The following NEB variants were observed in gnomAD, a reference collection of about 807,000 sequenced individuals.
NEB encodes nebulin.
In NEB, 512 loss-of-function variants were observed where a neutral mutation model predicts 952.2. That is an observed-to-expected ratio of 0.54 (90% CI 0.50 to 0.58). The LOEUF is 0.58. Among genes scored for constraint, NEB ranks in the 20% least tolerant of loss-of-function variants. The pLI is 0.00. For missense variants in NEB, 8,428 were observed against 9,231.1 expected, an observed-to-expected ratio of 0.91 and a Z score of 3.56; for synonymous variants, 2,900 against 3,149.8, an observed-to-expected ratio of 0.92 and a Z score of 2.66.
chr2:151,502,147 C>CTGAT (rs2065119484), intron 167 of NEB, among the ~76,000 whole-genome samples: 2 of 152,240 alleles, frequency 1.3e-5, no homozygotes, highest in South Asian at 4.1e-4. Context: ...TATGTTCTCA[C>CTGAT]TGATATGTGG....
chr2:151,533,848 A>G (rs1559632672), intron 142 of NEB, among the ~76,000 whole-genome samples: 1 of 152,222 alleles, frequency 6.6e-6, no homozygotes, highest in African/African-American at 2.4e-5. Context: ...TATAGTAAGG[A>G]GTTATGTCTT....
chr2:151,658,094 T>TAAAGAGAGGCAAAGG lies in NEB; in HGVS notation c.6076-19_6076-5dup. ...CCAAGGAAAGTTTGTAGAGTTTCTG[T>TAAAGAGAGGCAAAGG]AAAGAGAGGCAAAGGGAAGAGTTTT... On this transcript the variant is annotated splice_region_variant and splice_polypyrimidine_tract_variant and intron_variant, in intron 47 of 181. Transcript: ENST00000397345. 6.4e-7 allele frequency: 1 copy of TAAAGAGAGGCAAAGG among 1,562,302 alleles called. No individual in the cohort carries two copies. Among genetic ancestry groups the TAAAGAGAGGCAAAGG allele is most frequent in the East Asian group, 2.3e-5 (1 of 44,332 alleles).
intron 160 of NEB, 99 bp downstream of exon 160, chr2:151,513,481 T>C: frequency 1.2e-6 from 1 of 843,578 alleles, no homozygotes; most frequent in Non-Finnish European, 1.9e-6. Flanking sequence ...ATTGTATGCA[T>C]GTGACTGTCA....
chr2:151,569,234 A>C, intron 110 of NEB, 34 bp downstream of exon 110: 1 of 1,550,014 alleles, frequency 6.5e-7, no homozygotes, highest in South Asian at 1.1e-5. Context: ...TTCTTGGGAA[A>C]TGTACTGAAT....
chr2:151,643,762 A>T, intron 57 of NEB, 56 bp downstream of exon 57: 1 of 1,582,622 alleles, frequency 6.3e-7, no homozygotes, highest in Non-Finnish European at 8.6e-7. Context: ...TGGGACTCTG[A>T]TACTTTAAAA....
Position 151,537,899 on chromosome 2 carries a change from G to A in NEB, c.21075C>T (p.His7025=), listed in dbSNP as rs1458419547. The A allele has an allele frequency of 1.2e-6, 2 of 1,611,988 alleles. No individual in the cohort carries two copies. Among genetic ancestry groups the A allele is most frequent in the African/African-American group, 1.3e-5 (1 of 74,844 alleles). The change falls in exon 140 of 182, where the codon CAC becomes CAT. Residue 7025 remains histidine (H), a synonymous_variant. Coordinates refer to ENST00000397345, the MANE Select transcript of NEB (RefSeq NM_001164508.2). ...CACTGACTGTGTCAGTGACTGCTCGGTGGTGGAAATGCTCTGGACGATCAG... is the reference window on the plus strand; with the variant it reads ...CACTGACTGTGTCAGTGACTGCTCGATGGTGGAAATGCTCTGGACGATCAG... The part of the protein sequence containing the change: ...SIPDRPEHFH[H]RAVTDTVSDV...
intron 46 of NEB, among the ~76,000 whole-genome samples, chr2:151,661,183 T>C (rs532438756): frequency 1.3e-5 from 2 of 152,310 alleles, no homozygotes; most frequent in African/African-American, 4.8e-5. Flanking sequence ...GCTAGTTCTA[T>C]GATTCTCCTC....
chr2:151,579,099 A>C (rs1175385898), intron 105 of NEB, among the ~76,000 whole-genome samples: 1 of 150,828 alleles, frequency 6.6e-6, no homozygotes, highest in Non-Finnish European at 1.5e-5. Flanking sequence ...AAAAAAAAAA[A>C]AAAAAAAAGT....
Position 151,610,510 on chromosome 2 carries a change from A to T in NEB, c.12018+6T>A. On this transcript the variant is annotated splice_donor_region_variant and intron_variant, in intron 80 of 181. Coordinates refer to ENST00000397345, the MANE Select transcript of NEB (RefSeq NM_001164508.2). ...GACCACAGAGAGTTAGATGGAAGGT[A>T]CTCACGTCACTGGCGATGTCCCTGG... is the stretch of plus-strand genomic sequence containing the variant. The T allele has an allele frequency of 6.3e-7, 1 of 1,593,526 alleles. No homozygotes were observed. The highest frequency in any genetic ancestry group is 8.6e-7 in the Non-Finnish European group (1 of 1,161,408).
Position 151,679,918 on chromosome 2 carries a change from C to G in NEB, c.3147G>C (p.Glu1049Asp). 6.2e-7 allele frequency: 1 copy of G among 1,612,190 alleles called. No individual in the cohort carries two copies. The highest frequency in any genetic ancestry group is 8.5e-7 in the Non-Finnish European group (1 of 1,178,238). Residue 1049 changes from glutamate to aspartate, a missense_variant and splice_region_variant, in exon 31 of 182, where the codon GAG (glutamate) becomes GAC (aspartate). Around this residue, in one of 11 missense-constraint regions of NEB, gnomAD observed 2,851 missense variants for 2,791.5 expected, o/e 1.02. Transcript: ENST00000397345. ...QAKVNAYNIS[E>D]NMYKADLKDL... ...TCAGCCCGTGAGTCCACCCACGCAC[C>G]TCACTGATATTGTAGGCATTAACTT...
In NEB at chr2:151,526,103, T is replaced by G. The variant is rs763174116; in HGVS notation, c.22051-35A>C. 1.9e-6 allele frequency: 3 copies of G among 1,612,022 alleles called. No individual in the cohort carries two copies. The Admixed American group carries it at 5.0e-5, about 27-fold the overall frequency. Reference sequence around the variant, plus strand: ...TCCATAGAGAGCTCATTAAGGCATCTGCCTGGGGCGTTCTCCCAAGAGGGA... The same window carrying G: ...TCCATAGAGAGCTCATTAAGGCATCGGCCTGGGGCGTTCTCCCAAGAGGGA... On this transcript the variant is annotated intron_variant, in intron 149 of 181. Coordinates refer to ENST00000397345, the MANE Select transcript of NEB (RefSeq NM_001164508.2).
rs367733212 is a variant in NEB, at chr2:151,619,572, G to T, written c.10751C>A (p.Ala3584Asp). 4 of 1,613,764 alleles carry T rather than the reference G, an allele frequency of 2.5e-6. No homozygotes were observed. The African/African-American group carries it at 5.3e-5, about 22-fold the overall frequency. ...GCTGACCAAGGTCTGACACTTCTTG[G>T]CCAAAACGATACCAAGCATGTCCAC... is the stretch of plus-strand genomic sequence containing the variant. The part of the protein sequence containing the change: ...SPVDMLGIVL[A>D]KKCQTLVSDV... The change falls in exon 73 of 182, where the codon GCC becomes GAC. Residue 3584 changes from alanine (A) to aspartate (D), a missense_variant. Around this residue, in one of 11 missense-constraint regions of NEB, gnomAD observed 1,772 missense variants for 1,960.3 expected, o/e 0.90. Coordinates refer to ENST00000397345, the MANE Select transcript of NEB (RefSeq NM_001164508.2).
At chr2:151,698,203 ATT>A (rs1268047532) in intron 13 of NEB, among the ~76,000 whole-genome samples, 1 of 152,066 alleles carries the variant, frequency 6.6e-6, no homozygotes, top group Non-Finnish European at 1.5e-5. Context: ...ACTCAAAAAA[ATT>A]TTTTTTCTTT....
At chr2:151,492,974 A>G (rs1471099302) in intron 176 of NEB, 4 of 196,672 alleles carry the variant, frequency 2.0e-5, no homozygotes, top group African/African-American at 9.4e-5. Flanking sequence ...CATCCATTTC[A>G]GAGTATTACC....
chr2:151,678,690 C>T lies in NEB; in HGVS notation c.3256-503G>A, dbSNP rs543550263. Among the ~76,000 whole-genome samples, 63 of 152,140 alleles carry T rather than the reference C, an allele frequency of 4.1e-4. 2 individuals carry two copies. In the South Asian group the frequency reaches 0.012, roughly 30 times the overall value. On this transcript the variant is annotated intron_variant, in intron 32 of 181. Coordinates refer to ENST00000397345, the MANE Select transcript of NEB (RefSeq NM_001164508.2). ...ACCCAGAGCCAGGAGGGGGTAAACA[C>T]TAACTGGCTCTGGATAACAAAGTGA...
At chr2:151,534,790 TAGAAAC>T (rs1240647037) in intron 142 of NEB, among the ~76,000 whole-genome samples, 1 of 152,088 alleles carries the variant, frequency 6.6e-6, no homozygotes, top group Non-Finnish European at 1.5e-5. Flanking sequence ...AATAGAAAAA[TAGAAAC>T]AAAATATATC....
chr2:151,642,457 A>G (rs2098885909), intron 60 of NEB, 117 bp downstream of exon 60: 1 of 843,084 alleles, frequency 1.2e-6, no homozygotes, highest in Admixed American at 2.9e-5. Context: ...TCATCGAAAC[A>G]ATAAACTGTT....
chr2:151,677,624 T>C lies in NEB; in HGVS notation c.3715A>G (p.Ser1239Gly), dbSNP rs759109957. 1 of 1,613,892 alleles carries C rather than the reference T, an allele frequency of 6.2e-7. No homozygotes were observed. The highest frequency in any genetic ancestry group is 8.5e-7 in the Non-Finnish European group (1 of 1,179,884). Residue 1239 changes from serine (S) to glycine (G), a missense_variant, in exon 34 of 182, where the codon AGC (serine) becomes GGC (glycine). Ser to Gly is a moderately conservative substitution (Grantham distance 56). This residue lies in a region of NEB where 2,851 missense variants were observed against 2,791.5 expected (regional missense o/e 1.02). Transcript: ENST00000397345. Reference sequence around the variant, plus strand: ...ACCATAACTGGGGAGTCCACAATGCTGGTAAATTTGAGGGTGTCTGGATGT... The same window carrying C: ...ACCATAACTGGGGAGTCCACAATGCCGGTAAATTTGAGGGTGTCTGGATGT... ...RQHPDTLKFT[S>G]IVDSPVMVQA...
At chr2:151,566,383 T>G (rs2096396707) in intron 114 of NEB, among the ~76,000 whole-genome samples, 2 of 152,228 alleles carry the variant, frequency 1.3e-5, no homozygotes, top group Admixed American at 1.3e-4. Context: ...TATTCTGATT[T>G]AAGTTCCACA....
Sources: allele counts gnomAD v4.1 joint callset (sites outside exome capture counted in the v4.1 genomes callset), GRCh38; gene constraint gnomAD v4.1.1; regional missense constraint gnomAD v4.1.1; transcripts MANE v1.5; gene names NCBI Gene and HGNC (gene_info 2026-07-23, HGNC 2026-07-21).